The following PRP4K variants were observed in gnomAD, a reference collection of about 807,000 sequenced individuals.
The protein encoded by PRP4K is pre-mRNA processing factor kinase PRP4K, also known as serine/threonine-protein kinase PRP4 homolog.
chr6:4,049,035 C>T, the PRP4K span: 2 of 1,612,944 alleles, frequency 1.2e-6, no homozygotes, highest in Non-Finnish European at 1.7e-6. Context: ...CTTCGGGCCG[C>T]TGGCATTGGA....
the PRP4K span, among the ~76,000 whole-genome samples, chr6:4,043,306 A>C: frequency 6.6e-6 from 1 of 152,240 alleles, no homozygotes; most frequent in Non-Finnish European, 1.5e-5. Flanking sequence ...ATTGTAGTTA[A>C]TAAACTGATA....
the PRP4K span, among the ~76,000 whole-genome samples, chr6:4,023,177 T>G: frequency 6.6e-6 from 1 of 152,248 alleles, no homozygotes; most frequent in Non-Finnish European, 1.5e-5. Flanking sequence ...GTGCTCATAG[T>G]GAGTCCCTGA....
At chr6:4,022,083 A>G in the PRP4K span, among the ~76,000 whole-genome samples, 31 of 149,410 alleles carry the variant, frequency 2.1e-4, no homozygotes, top group African/African-American at 7.4e-4. Flanking sequence ...TTGAGTGCCT[A>G]CCGGCAGCTT....
the PRP4K span, among the ~76,000 whole-genome samples, chr6:4,030,863 C>G: frequency 1.3e-5 from 2 of 152,146 alleles, no homozygotes; most frequent in African/African-American, 4.8e-5. Context: ...GTCCTAACTT[C>G]CGGTTTAGTT....
the PRP4K span, chr6:4,041,021 T>C: frequency 4.7e-6 from 6 of 1,281,906 alleles, no homozygotes; most frequent in East Asian, 1.4e-4. Flanking sequence ...CTAAATATTA[T>C]AAGTGGCTCC....
the PRP4K span, among the ~76,000 whole-genome samples, chr6:4,054,127 C>T: frequency 6.6e-6 from 1 of 152,060 alleles, no homozygotes; most frequent in Non-Finnish European, 1.5e-5. Context: ...GTCTCAAACT[C>T]CTGGGCTCAA....
At chr6:4,045,693 G>C in the PRP4K span, among the ~76,000 whole-genome samples, 2 of 152,102 alleles carry the variant, frequency 1.3e-5, no homozygotes, top group Admixed American at 6.5e-5. Flanking sequence ...ATACACATTA[G>C]ATATCAGTAT....
At chr6:4,047,359 G>C in the PRP4K span, 1 of 930,146 alleles carries the variant, frequency 1.1e-6, no homozygotes, top group African/African-American at 1.7e-5. Context: ...ATTTTGAACA[G>C]TGTGGGTGAA....
chr6:4,045,497 T>C, the PRP4K span, among the ~76,000 whole-genome samples: 17 of 152,216 alleles, frequency 1.1e-4, no homozygotes, highest in African/African-American at 4.1e-4. Flanking sequence ...CTGTAATTTC[T>C]GGGCCTTTGC....
chr6:4,040,955 G>C, the PRP4K span: 1 of 1,578,284 alleles, frequency 6.3e-7, no homozygotes, highest in Non-Finnish European at 8.6e-7. Context: ...CCATAACTTT[G>C]TTTTTCCAGT....
At chr6:4,046,786 T>C in the PRP4K span, among the ~76,000 whole-genome samples, 6 of 151,996 alleles carry the variant, frequency 3.9e-5, no homozygotes, top group Non-Finnish European at 8.8e-5. Context: ...GCCTCCCAAG[T>C]AGCTTGGATT....
the PRP4K span, among the ~76,000 whole-genome samples, chr6:4,028,860 A>C: frequency 2.0e-5 from 3 of 151,866 alleles, no homozygotes; most frequent in East Asian, 1.9e-4. Flanking sequence ...TCTCCCAGCA[A>C]GTTTATTCAA....
the PRP4K span, chr6:4,058,900 C>T: frequency 1.9e-6 from 2 of 1,036,490 alleles, no homozygotes; most frequent in Middle Eastern, 2.5e-4. Context: ...AAAAAAAAAA[C>T]AAAAACCCAA....
chr6:4,057,871 C>T, the PRP4K span, among the ~76,000 whole-genome samples: 1 of 151,484 alleles, frequency 6.6e-6, no homozygotes, highest in Non-Finnish European at 1.5e-5. Flanking sequence ...TCTCCTGCCT[C>T]AGCCTCCCGA....
At chr6:4,031,485 A>G in the PRP4K span, 1 of 1,158,022 alleles carries the variant, frequency 8.6e-7, no homozygotes, top group Non-Finnish European at 1.2e-6. Flanking sequence ...TTTTCTCATT[A>G]CTGTTATTTT....
the PRP4K span, among the ~76,000 whole-genome samples, chr6:4,029,969 G>A: frequency 2.9e-4 from 43 of 148,134 alleles, no homozygotes; most frequent in African/African-American, 1.0e-3. Flanking sequence ...TTGAGACTGC[G>A]TCACACTGTG....
the PRP4K span, among the ~76,000 whole-genome samples, chr6:4,030,759 G>C: frequency 5.7e-4 from 87 of 152,246 alleles, 1 homozygote; most frequent in East Asian, 0.016. Flanking sequence ...GGGCTGTACT[G>C]TATTAAATTA....
the PRP4K span, among the ~76,000 whole-genome samples, chr6:4,048,466 GACTT>G: frequency 6.6e-6 from 1 of 151,972 alleles, no homozygotes; most frequent in Non-Finnish European, 1.5e-5. Flanking sequence ...TGCAGCCAGT[GACTT>G]ACTACATTTC....
At chr6:4,059,283 TGGCCA>T in the PRP4K span, among the ~76,000 whole-genome samples, 2 of 152,224 alleles carry the variant, frequency 1.3e-5, no homozygotes, top group Non-Finnish European at 1.5e-5. Context: ...TTTCCACATT[TGGCCA>T]GAAGGCGTGC....
Sources: gnomAD v4.1 joint callset for allele counts (sites outside exome capture counted in the v4.1 genomes callset) on GRCh38, gnomAD v4.1.1 for gene constraint, MANE v1.5 for transcripts, NCBI Gene and HGNC (gene_info 2026-07-23, HGNC 2026-07-21) for gene names.